Variants in RERE observed in about 807,000 individuals in gnomAD.
RERE encodes arginine-glutamic acid dipeptide repeats protein.
Under a neutral mutation model 146.1 loss-of-function variants are expected in RERE, and 40 were observed. The observed-to-expected ratio is 0.27, with a 90% CI of 0.21 to 0.36. The LOEUF is 0.36. Among genes scored for constraint, RERE ranks in the 10% least tolerant of loss-of-function variants. RERE has a pLI of 1.00. For synonymous variants in RERE, 1,003 were observed against 866.0 expected (o/e 1.16, Z -2.78); for missense variants, 1,933 against 2,138.7 (o/e 0.90, Z 1.90).
chr1:8,461,496 T>A (rs1168554744), intron 11 of RERE, among the ~76,000 whole-genome samples: 1 of 152,208 alleles, frequency 6.6e-6, no homozygotes, highest in Non-Finnish European at 1.5e-5. Context: ...ACCCAGGTGT[T>A]GCTCACAGAC....
rs572142998 is a variant in RERE, at chr1:8,541,736, A to C, written c.726-418T>G. Among the ~76,000 whole-genome samples the C allele has an allele frequency of 3.4e-3, 523 of 152,330 alleles. 3 individuals carry two copies. The highest frequency in any genetic ancestry group is 5.0e-3 in the Non-Finnish European group (343 of 68,038). ...GCAGAAAGTTTAACTGTTTAAAGCT[A>C]AAATGTGGAATATTTGACATGTCTT... On this transcript the variant is annotated intron_variant, in intron 6 of 22. Coordinates refer to ENST00000400908, the MANE Select transcript of RERE (RefSeq NM_001042681.2).
chr1:8,440,323 C>G (rs946895812), intron 11 of RERE, among the ~76,000 whole-genome samples: 6 of 151,784 alleles, frequency 4.0e-5, no homozygotes, highest in African/African-American at 1.5e-4. Flanking sequence ...TGGCCAGGCA[C>G]GGCTCATGCC....
intron 20 of RERE, among the ~76,000 whole-genome samples, chr1:8,357,808 T>C (rs1241140974): frequency 6.6e-6 from 1 of 152,228 alleles, no homozygotes; most frequent in Non-Finnish European, 1.5e-5. Context: ...TGCTTTTCAT[T>C]CTCCCTCAGC....
At chr1:8,363,246 C>T (rs148280232) in intron 15 of RERE, among the ~76,000 whole-genome samples, 2 of 152,342 alleles carry the variant, frequency 1.3e-5, no homozygotes, top group African/African-American at 2.4e-5. Flanking sequence ...TGAAATCAAA[C>T]ACTTGTGGAT....
intron 11 of RERE, among the ~76,000 whole-genome samples, chr1:8,440,896 C>CAA (rs999554873): frequency 1.5e-5 from 2 of 132,068 alleles, no homozygotes; most frequent in East Asian, 2.2e-4. Context: ...GACTCCATCT[C>CAA]AAAAAAAAAA....
intron 4 of RERE, among the ~76,000 whole-genome samples, chr1:8,570,794 T>TA (rs1646212847): frequency 6.6e-6 from 1 of 152,190 alleles, no homozygotes; most frequent in African/African-American, 2.4e-5. Flanking sequence ...ATCATTTAAA[T>TA]AAAAAGTATG....
intron 12 of RERE, among the ~76,000 whole-genome samples, chr1:8,397,633 A>G (rs1643100324): frequency 6.6e-6 from 1 of 151,740 alleles, no homozygotes; most frequent in Non-Finnish European, 1.5e-5. Context: ...AATGGCAATA[A>G]CCCAACTGTG....
At chr1:8,748,220 C>T (rs2124512648) in intron 1 of RERE, among the ~76,000 whole-genome samples, 1 of 152,162 alleles carries the variant, frequency 6.6e-6, no homozygotes, top group East Asian at 1.9e-4. Flanking sequence ...AATGCAGTAA[C>T]TTGCCAGAAG....
chr1:8,755,449 GT>G (rs1236050824), intron 1 of RERE, among the ~76,000 whole-genome samples: 1 of 152,012 alleles, frequency 6.6e-6, no homozygotes, highest in African/African-American at 2.4e-5. Flanking sequence ...TAGATCTGTT[GT>G]TTATACAAGT....
At chr1:8,712,317 G>GA (rs1639684567) in intron 1 of RERE, among the ~76,000 whole-genome samples, 1 of 152,198 alleles carries the variant, frequency 6.6e-6, no homozygotes, top group Non-Finnish European at 1.5e-5. Flanking sequence ...TGGGCTGCAG[G>GA]AAACAACAAC....
chr1:8,573,338 T>A (rs2124454839), intron 4 of RERE, among the ~76,000 whole-genome samples: 1 of 152,230 alleles, frequency 6.6e-6, no homozygotes, highest in African/African-American at 2.4e-5. Context: ...ACTTAATATA[T>A]ATATATAACT....
At chr1:8,502,862 G>A (rs1050417601) in intron 8 of RERE, among the ~76,000 whole-genome samples, 2 of 149,788 alleles carry the variant, frequency 1.3e-5, no homozygotes, top group Non-Finnish European at 3.0e-5. Flanking sequence ...TGCAAGATGT[G>A]CTTTGTTAAA....
chr1:8,812,209 C>A (rs995807131), intron 1 of RERE, among the ~76,000 whole-genome samples: 1 of 152,070 alleles, frequency 6.6e-6, no homozygotes, highest in African/African-American at 2.4e-5. Context: ...ATGCAAATAC[C>A]CAAGACAAAT....
intron 1 of RERE, among the ~76,000 whole-genome samples, chr1:8,764,425 A>G (rs1453774322): frequency 2.0e-5 from 3 of 152,196 alleles, no homozygotes; most frequent in Non-Finnish European, 4.4e-5. Context: ...TAAATGTTTA[A>G]AAACAAAAAA....
At chr1:8,691,624 T>TTA (rs1639208632) in intron 1 of RERE, among the ~76,000 whole-genome samples, 1 of 152,168 alleles carries the variant, frequency 6.6e-6, no homozygotes, top group Non-Finnish European at 1.5e-5. Flanking sequence ...CAGTCACAAA[T>TTA]TATGTTCTGG....
chr1:8,639,602 G>A (rs764243473), intron 2 of RERE, among the ~76,000 whole-genome samples: 1 of 152,188 alleles, frequency 6.6e-6, no homozygotes. Context: ...CCAAGTCTGA[G>A]TGCTAACAGA....
At chr1:8,432,915 T>C (rs1644114703) in intron 11 of RERE, among the ~76,000 whole-genome samples, 1 of 152,242 alleles carries the variant, frequency 6.6e-6, no homozygotes, top group African/African-American at 2.4e-5. Context: ...TTATATCTAT[T>C]CATCTCAGAG....
chr1:8,716,952 C>A lies in RERE; in HGVS notation c.-144-60511G>T, dbSNP rs114375807. Among the ~76,000 whole-genome samples the A allele has an allele frequency of 5.3e-3, 812 of 151,978 alleles. 11 individuals are homozygous for A. The highest frequency in any genetic ancestry group is 0.019 in the African/African-American group (784 of 41,418). Reference sequence around the variant, plus strand: ...GCTAGTAAGACTCCTGAAATTTGGCCCCTCGATAATAATAATCTTATACCA... The same window carrying A: ...GCTAGTAAGACTCCTGAAATTTGGCACCTCGATAATAATAATCTTATACCA... On this transcript the variant is annotated intron_variant, in intron 1 of 22. Coordinates refer to ENST00000400908, the MANE Select transcript of RERE (RefSeq NM_001042681.2).
intron 1 of RERE, among the ~76,000 whole-genome samples, chr1:8,771,693 G>A (rs1238090848): frequency 2.0e-5 from 3 of 151,920 alleles, no homozygotes; most frequent in East Asian, 1.9e-4. Flanking sequence ...GGCAGATCAC[G>A]AGGTCAGGAG....
Sources: allele counts gnomAD v4.1 joint callset (sites outside exome capture counted in the v4.1 genomes callset), GRCh38; gene constraint gnomAD v4.1.1; transcripts MANE v1.5; gene names NCBI Gene and HGNC (gene_info 2026-07-23, HGNC 2026-07-21).